The following FGGY variants were observed in gnomAD, a reference collection of about 807,000 sequenced individuals.
FGGY encodes FGGY carbohydrate kinase domain-containing protein.
FGGY carries 72 observed loss-of-function variants against 71.3 expected under a neutral mutation model. The observed-to-expected ratio is 1.01, with a 90% CI of 0.84 to 1.23. The LOEUF (loss-of-function observed/expected upper bound fraction) is 1.23. Ranked by LOEUF, FGGY falls within the 50% of genes most tolerant of loss-of-function variation. The pLI is 0.00. For missense variants in FGGY, 668 were observed against 682.3 expected (o/e 0.98, Z 0.23); for synonymous variants, 251 against 250.3 (o/e 1.00, Z -0.02).
intron 1 of FGGY, among the ~76,000 whole-genome samples, chr1:59,319,527 G>T (rs965576285): frequency 1.3e-5 from 2 of 152,204 alleles, no homozygotes; most frequent in African/African-American, 4.8e-5. Context: ...TATGCAAGGG[G>T]AGAAAGGGAA....
At chr1:59,532,094 A>G (rs2095161348) in intron 7 of FGGY, among the ~76,000 whole-genome samples, 1 of 152,248 alleles carries the variant, frequency 6.6e-6, no homozygotes, top group Admixed American at 6.5e-5. Context: ...GAACTCTAAC[A>G]TATCTGTGAT....
chr1:59,665,417 C>G (rs961897248), intron 12 of FGGY, among the ~76,000 whole-genome samples: 5 of 152,160 alleles, frequency 3.3e-5, no homozygotes, highest in African/African-American at 1.2e-4. Flanking sequence ...AACAAACCCT[C>G]AAGACCTCTG....
intron 4 of FGGY, among the ~76,000 whole-genome samples, chr1:59,356,955 C>G (rs1047161620): frequency 6.6e-6 from 1 of 152,194 alleles, no homozygotes; most frequent in Admixed American, 6.5e-5. Context: ...CCAGGAGAAT[C>G]CAAGACTCAT....
chr1:59,729,234 C>T (rs892000998), intron 14 of FGGY, among the ~76,000 whole-genome samples: 1 of 151,578 alleles, frequency 6.6e-6, no homozygotes, highest in African/African-American at 2.4e-5. Flanking sequence ...CTTTTAGATA[C>T]TTTTTTAGCA....
At chr1:59,639,384 A>G (rs2096995304) in intron 11 of FGGY, among the ~76,000 whole-genome samples, 1 of 152,224 alleles carries the variant, frequency 6.6e-6, no homozygotes, top group South Asian at 2.1e-4. Flanking sequence ...AAAGGGAGTC[A>G]TGGTGAAAAG....
intron 8 of FGGY, among the ~76,000 whole-genome samples, chr1:59,574,846 C>A (rs1489982479): frequency 2.0e-5 from 3 of 151,990 alleles, no homozygotes; most frequent in African/African-American, 7.2e-5. Context: ...TGAAAAGAAG[C>A]AAAGTTTTAT....
At chr1:59,421,742 G>A (rs1326920667) in intron 5 of FGGY, among the ~76,000 whole-genome samples, 2 of 152,148 alleles carry the variant, frequency 1.3e-5, no homozygotes, top group Non-Finnish European at 2.9e-5. Flanking sequence ...ACCCAGATGG[G>A]TATTGTAGAT....
chr1:59,314,166 C>T (rs1570171160), intron 1 of FGGY, among the ~76,000 whole-genome samples: 3 of 152,094 alleles, frequency 2.0e-5, no homozygotes, highest in Non-Finnish European at 4.4e-5. Flanking sequence ...GGGGTTTCAC[C>T]GTGTTAGCCA....
chr1:59,325,113 G>A (rs2047154707), intron 2 of FGGY, among the ~76,000 whole-genome samples: 2 of 152,116 alleles, frequency 1.3e-5, no homozygotes, highest in African/African-American at 4.8e-5. Context: ...CAGCACTTTG[G>A]GAGGCCAAGG....
intron 14 of FGGY, among the ~76,000 whole-genome samples, chr1:59,696,207 A>G (rs1031710717): frequency 6.6e-6 from 1 of 152,210 alleles, no homozygotes; most frequent in Non-Finnish European, 1.5e-5. Context: ...TCCAAAATGT[A>G]CAGACATACC....
At chr1:59,420,978 T>C (rs1194750878) in intron 5 of FGGY, among the ~76,000 whole-genome samples, 1 of 152,130 alleles carries the variant, frequency 6.6e-6, no homozygotes, top group Non-Finnish European at 1.5e-5. Context: ...AAAAGCTGTT[T>C]TTGAAAAATC....
intron 6 of FGGY, among the ~76,000 whole-genome samples, chr1:59,470,737 TA>T (rs964384752): frequency 4.6e-5 from 7 of 152,238 alleles, no homozygotes; most frequent in Admixed American, 4.6e-4. Context: ...GTGGGTGTTG[TA>T]AAATCCTTTT....
At chr1:59,614,495 G>A (rs1375506278) in intron 9 of FGGY, among the ~76,000 whole-genome samples, 2 of 151,972 alleles carry the variant, frequency 1.3e-5, no homozygotes, top group African/African-American at 4.8e-5. Flanking sequence ...TATGGGACAT[G>A]TCTCAAAATA....
intron 5 of FGGY, among the ~76,000 whole-genome samples, chr1:59,436,502 C>A (rs1441143011): frequency 6.6e-6 from 1 of 152,174 alleles, no homozygotes; most frequent in African/African-American, 2.4e-5. Flanking sequence ...GCATGTTCAT[C>A]TCATTCTTCT....
At chr1:59,711,167 C>T (rs757760845) in intron 14 of FGGY, among the ~76,000 whole-genome samples, 3 of 152,120 alleles carry the variant, frequency 2.0e-5, no homozygotes, top group Non-Finnish European at 2.9e-5. Context: ...TGAAAACCAT[C>T]ATTCTCAGCA....
chr1:59,643,058 C>T lies in FGGY; in HGVS notation c.1221+4683C>T, dbSNP rs1313772652. 4.7e-5 allele frequency among the ~76,000 whole-genome samples: 7 copies of T among 148,900 alleles called. 1 individual carries two copies. The highest frequency in any genetic ancestry group is 1.5e-5 in the Non-Finnish European group (1 of 67,222). On this transcript the variant is annotated intron_variant, in intron 11 of 15. Coordinates refer to ENST00000303721, the MANE Select transcript of FGGY (RefSeq NM_018291.5). Reference sequence around the variant, plus strand: ...TCAAAAAAAAAAAAAAAAAGAAAAACCATTACATACAAAGAAAAAAATACC... The same window carrying T: ...TCAAAAAAAAAAAAAAAAAGAAAAATCATTACATACAAAGAAAAAAATACC...
chr1:59,566,033 A>G (rs762115066), intron 8 of FGGY, among the ~76,000 whole-genome samples: 11 of 151,946 alleles, frequency 7.2e-5, no homozygotes, highest in African/African-American at 2.4e-4. Flanking sequence ...ATGTTTTTCT[A>G]TTTGTTTGGA....
intron 10 of FGGY, 54 bp downstream of exon 10, chr1:59,626,103 G>T (rs774614372): frequency 6.1e-6 from 9 of 1,483,840 alleles, no homozygotes; most frequent in Non-Finnish European, 8.4e-6. Context: ...TGTATTGAGA[G>T]AATTCACGTT....
chr1:59,761,132 C>T (rs974478912), intron 15 of FGGY, among the ~76,000 whole-genome samples: 1 of 152,098 alleles, frequency 6.6e-6, no homozygotes, highest in African/African-American at 2.4e-5. Context: ...GAAGTAGATC[C>T]CATAATTATC....
Sources: allele counts gnomAD v4.1 joint callset (sites outside exome capture counted in the v4.1 genomes callset), GRCh38; gene constraint gnomAD v4.1.1; transcripts MANE v1.5; gene names NCBI Gene and HGNC (gene_info 2026-07-23, HGNC 2026-07-21).